The following SBF2 variants were observed in gnomAD, a reference collection of about 807,000 sequenced individuals.
SBF2 encodes the protein SET binding factor 2.
SBF2 carries 112 observed loss-of-function variants against 225.2 expected under a neutral mutation model. The ratio of observed to expected loss-of-function variants is 0.50; its 90% CI spans 0.43 to 0.58. The LOEUF (loss-of-function observed/expected upper bound fraction) is 0.58. SBF2 is among the 20% of genes least tolerant of loss of function. The pLI, the probability that SBF2 is intolerant of heterozygous loss-of-function variation, is 0.00. For missense variants in SBF2, 1,996 were observed against 2,206.2 expected (o/e 0.90, Z 1.91); for synonymous variants, 763 against 773.3 (o/e 0.99, Z 0.22).
intron 2 of SBF2, among the ~76,000 whole-genome samples, chr11:10,063,337 T>C (rs1041067749): frequency 2.3e-4 from 29 of 127,484 alleles, no homozygotes; most frequent in African/African-American, 7.1e-4. Flanking sequence ...AATATATATA[T>C]ATATATATTT....
intron 1 of SBF2, among the ~76,000 whole-genome samples, chr11:10,287,846 T>C (rs1397369713): frequency 6.6e-6 from 1 of 152,202 alleles, no homozygotes; most frequent in African/African-American, 2.4e-5. Flanking sequence ...CTGGATCCCA[T>C]GCCTCCAAGA....
intron 31 of SBF2, 190 bp from the exon 32 acceptor site, chr11:9,808,375 A>C (rs572693046): frequency 5.5e-5 from 34 of 622,386 alleles, no homozygotes; most frequent in African/African-American, 5.3e-4. Context: ...TAAAGCTCAA[A>C]TTCATTTTGG....
rs889333018 is a variant in SBF2, at chr11:9,891,293, A to G, written c.1929+4650T>C. On this transcript the variant is annotated intron_variant, in intron 17 of 39. Coordinates refer to ENST00000256190, the MANE Select transcript of SBF2 (RefSeq NM_030962.4). The stretch of plus-strand genomic sequence containing the variant: ...TACTTTATTATTTTCCTTCTAAAAA[A>G]GTAACCTTTAGACATGAACCCCTGC... 3.3e-5 allele frequency among the ~76,000 whole-genome samples: 5 copies of G among 152,220 alleles called. No homozygotes were observed. In the East Asian group the frequency reaches 7.7e-4, roughly 23 times the overall value.
At chr11:9,887,752 G>A (rs1337101151) in intron 17 of SBF2, among the ~76,000 whole-genome samples, 1 of 150,656 alleles carries the variant, frequency 6.6e-6, no homozygotes, top group Admixed American at 6.6e-5. Context: ...TTAATATTTG[G>A]TTTACAGCAG....
intron 17 of SBF2, among the ~76,000 whole-genome samples, chr11:9,886,682 CAGTA>C (rs1860333779): frequency 1.4e-5 from 2 of 141,288 alleles, no homozygotes; most frequent in Non-Finnish European, 3.0e-5. Flanking sequence ...TCACAATTCC[CAGTA>C]AGTGATTCAT....
At chr11:10,293,318 A>C (rs903276292) in intron 1 of SBF2, among the ~76,000 whole-genome samples, 1 of 152,264 alleles carries the variant, frequency 6.6e-6, no homozygotes, top group African/African-American at 2.4e-5. Context: ...ACAAATAAAA[A>C]GAACAATGAA....
At chr11:10,118,836 A>C (rs973924782) in intron 2 of SBF2, among the ~76,000 whole-genome samples, 3 of 151,680 alleles carry the variant, frequency 2.0e-5, no homozygotes, top group Non-Finnish European at 4.4e-5. Context: ...CTATCTCTAA[A>C]TTACCTAAGG....
intron 16 of SBF2, among the ~76,000 whole-genome samples, chr11:9,924,092 A>G (rs1863840335): frequency 6.6e-6 from 1 of 152,212 alleles, no homozygotes; most frequent in African/African-American, 2.4e-5. Flanking sequence ...CTAGAGTTTG[A>G]GCATGGGATT....
At chr11:9,878,477 G>A (rs1486980556) in intron 17 of SBF2, among the ~76,000 whole-genome samples, 1 of 152,080 alleles carries the variant, frequency 6.6e-6, no homozygotes, top group Non-Finnish European at 1.5e-5. Context: ...CCATGCCAAT[G>A]GCCTGAATGG....
chr11:10,230,898 A>G (rs1366862335), intron 1 of SBF2, among the ~76,000 whole-genome samples: 1 of 152,192 alleles, frequency 6.6e-6, no homozygotes. Flanking sequence ...AATATCCTGC[A>G]GAGTGTTTTC....
At chr11:9,793,488 C>T (rs955690274) in intron 33 of SBF2, among the ~76,000 whole-genome samples, 2 of 152,188 alleles carry the variant, frequency 1.3e-5, no homozygotes, top group East Asian at 3.8e-4. Context: ...CTCATGGGGT[C>T]AAGAAGTTCT....
At chr11:9,992,912 G>C in intron 11 of SBF2, 78 bp downstream of exon 11, 1 of 992,212 alleles carries the variant, frequency 1.0e-6, no homozygotes, top group Non-Finnish European at 1.5e-6. Flanking sequence ...AAAATAAATG[G>C]CTCGGAAAAA....
intron 1 of SBF2, among the ~76,000 whole-genome samples, chr11:10,210,949 G>A (rs975400774): frequency 1.5e-5 from 2 of 134,632 alleles, no homozygotes; most frequent in Non-Finnish European, 3.1e-5. Flanking sequence ...GGAGGCGGAG[G>A]TTTCAGTGAG....
At chr11:9,844,493 G>A (rs190752461) in intron 24 of SBF2, among the ~76,000 whole-genome samples, 84 of 152,108 alleles carry the variant, frequency 5.5e-4, no homozygotes, top group African/African-American at 1.9e-3. Flanking sequence ...TTGTTATTTC[G>A]TCATAACTGA....
chr11:9,867,322 T>C (rs1007337081), intron 17 of SBF2, among the ~76,000 whole-genome samples: 15 of 151,980 alleles, frequency 9.9e-5, no homozygotes, highest in Admixed American at 2.6e-4. Context: ...CCCAGTTAAA[T>C]TGAAAAACAC....
intron 1 of SBF2, among the ~76,000 whole-genome samples, chr11:10,301,553 T>C (rs548169320): frequency 1.4e-4 from 22 of 152,342 alleles, no homozygotes; most frequent in African/African-American, 5.1e-4. Flanking sequence ...AAATGCATCA[T>C]AAAATTTCCT....
At chr11:9,892,713 C>A (rs985720530) in intron 17 of SBF2, among the ~76,000 whole-genome samples, 7 of 152,024 alleles carry the variant, frequency 4.6e-5, no homozygotes, top group Admixed American at 3.3e-4. Context: ...GCATACGCCA[C>A]CACGCCCGGC....
intron 16 of SBF2, chr11:9,958,433 C>T (rs1366678809): frequency 6.7e-6 from 1 of 150,178 alleles, no homozygotes; most frequent in Non-Finnish European, 1.5e-5. Context: ...TCTCGGCTCA[C>T]TGCAGGCTCC....
intron 16 of SBF2, among the ~76,000 whole-genome samples, chr11:9,910,711 A>AC (rs1862533551): frequency 1.3e-5 from 2 of 151,808 alleles, no homozygotes; most frequent in Admixed American, 6.6e-5. Flanking sequence ...GTAAAAAAAA[A>AC]ACAACTTTTT....
Sources: gnomAD v4.1 joint callset for allele counts (sites outside exome capture counted in the v4.1 genomes callset) on GRCh38, gnomAD v4.1.1 for gene constraint, MANE v1.5 for transcripts, NCBI Gene and HGNC (gene_info 2026-07-23, HGNC 2026-07-21) for gene names.